The following TET1 variants were observed in gnomAD, a reference collection of about 807,000 sequenced individuals.
TET1 encodes the protein methylcytosine dioxygenase TET1.
TET1 carries 13 observed loss-of-function variants against 148.7 expected under a neutral mutation model. That is an observed-to-expected ratio of 0.09 (90% CI 0.06 to 0.14). TET1 has a LOEUF of 0.14. Ranked by LOEUF, TET1 falls within the 10% of genes least tolerant of loss-of-function variation. TET1 has a pLI of 1.00. For missense variants in TET1, 2,182 were observed against 2,553.8 expected (o/e 0.85, Z 3.14); for synonymous variants, 907 against 937.2 (o/e 0.97, Z 0.59).
chr10:68,618,894 G>T (rs983107580), intron 3 of TET1, among the ~76,000 whole-genome samples: 10 of 152,142 alleles, frequency 6.6e-5, no homozygotes, highest in Admixed American at 6.6e-4. Flanking sequence ...CTGAGCCCAG[G>T]ATTTCAAGGC....
intron 6 of TET1, among the ~76,000 whole-genome samples, chr10:68,662,774 G>A (rs958862751): frequency 1.3e-5 from 2 of 152,136 alleles, no homozygotes; most frequent in African/African-American, 4.8e-5. Flanking sequence ...ACGGTGGCAA[G>A]CACCTGTAGT....
chr10:68,642,642 T>G (rs1190318388), intron 3 of TET1, among the ~76,000 whole-genome samples: 1 of 152,214 alleles, frequency 6.6e-6, no homozygotes, highest in South Asian at 2.1e-4. Flanking sequence ...TTCACTCCTA[T>G]TGCCTAAGGT....
At chr10:68,654,953 C>G (rs886096520) in intron 6 of TET1, among the ~76,000 whole-genome samples, 2 of 152,162 alleles carry the variant, frequency 1.3e-5, no homozygotes, top group African/African-American at 4.8e-5. Flanking sequence ...CTCAGTTCCT[C>G]CTCATCTTAA....
chr10:68,601,179 T>C, intron 3 of TET1, 145 bp downstream of exon 3: 1 of 667,204 alleles, frequency 1.5e-6, no homozygotes, highest in Non-Finnish European at 2.5e-6. Context: ...ACTAAAGTGT[T>C]TTCTCTCTCT....
Position 68,626,089 on chromosome 10 carries a change from C to CA in TET1, c.1969-18601dup, listed in dbSNP as rs768111191. Among the ~76,000 whole-genome samples, 272 of 34,494 alleles carry CA rather than the reference C, an allele frequency of 7.9e-3. 5 individuals are homozygous for CA. The highest frequency in any genetic ancestry group is 0.024 in the African/African-American group (263 of 10,856). The allele number at this position is 34,494 out of a possible 152,430, so 22.6% of individuals were successfully genotyped here. On this transcript the variant is annotated intron_variant, in intron 3 of 11. Coordinates refer to ENST00000373644, the MANE Select transcript of TET1 (RefSeq NM_030625.3). ...ACAGAGTAAGAACGAGACCCTATCT[C>CA]AAAAAAAAGAAAAAAAAAAAGAAAA...
intron 2 of TET1, among the ~76,000 whole-genome samples, chr10:68,576,584 C>T (rs1281321457): frequency 1.3e-5 from 2 of 152,014 alleles, no homozygotes; most frequent in African/African-American, 4.8e-5. Context: ...ATCGCCTGAT[C>T]CTGGGAAGTC....
Position 68,612,986 on chromosome 10 carries a change from T to A in TET1, c.1968+11952T>A, listed in dbSNP as rs1281930194. On this transcript the variant is annotated intron_variant, in intron 3 of 11. Transcript: ENST00000373644. The stretch of plus-strand genomic sequence containing the variant: ...TCACCTTTTTGTTCTCCACAGTGTC[T>A]AACAGAATATCTTGTGTTTACAACT... 3.9e-5 allele frequency among the ~76,000 whole-genome samples: 6 copies of A among 152,194 alleles called. No homozygotes were observed. The East Asian group carries it at 1.2e-3, about 29-fold the overall frequency.
chr10:68,582,777 C>T (rs1349452707), intron 2 of TET1, among the ~76,000 whole-genome samples: 1 of 152,034 alleles, frequency 6.6e-6, no homozygotes, highest in Admixed American at 6.6e-5. Flanking sequence ...TTTTTGCTAC[C>T]AACTCTTTCA....
At chr10:68,571,953 C>CA (rs1375544628) in intron 1 of TET1, among the ~76,000 whole-genome samples, 1 of 151,976 alleles carries the variant, frequency 6.6e-6, no homozygotes, top group Admixed American at 6.6e-5. Flanking sequence ...CATGTCTCTA[C>CA]AAAAAATACA....
intron 1 of TET1, among the ~76,000 whole-genome samples, chr10:68,567,759 T>TA (rs200032501): frequency 0.12 from 17,053 of 145,444 alleles, 1,202 homozygotes; most frequent in South Asian, 0.25. Flanking sequence ...TCTTAAAAAT[T>TA]AAAAAAAAAA....
chr10:68,685,796 T>A (rs923470085), intron 10 of TET1, among the ~76,000 whole-genome samples: 2 of 152,074 alleles, frequency 1.3e-5, no homozygotes, highest in African/African-American at 4.8e-5. Flanking sequence ...ATATGGCTCC[T>A]CACTGGAATA....
intron 4 of TET1, among the ~76,000 whole-genome samples, chr10:68,649,343 C>T (rs1356442331): frequency 6.6e-6 from 1 of 152,100 alleles, no homozygotes; most frequent in African/African-American, 2.4e-5. Context: ...TGCAGTGGCT[C>T]ACGCCTGTAA....
rs1372192877 is a variant in TET1, at chr10:68,644,788, T to C, written c.2059T>C (p.Leu687=). ...TCATGGGGAAGAACAAAAATTGGAATTGAACCCACATACTGTTGAAAATGT... is the reference window on the plus strand; with the variant it reads ...TCATGGGGAAGAACAAAAATTGGAACTGAACCCACATACTGTTGAAAATGT... The part of the protein sequence containing the change: ...CGHGEEQKLE[L]NPHTVENVTK... The change falls in exon 4 of 12, where the codon TTG becomes CTG. Residue 687 remains leucine, a synonymous_variant. Transcript: ENST00000373644. 3 of 1,613,790 alleles carry C rather than the reference T, an allele frequency of 1.9e-6. No individual in the cohort carries two copies. Among genetic ancestry groups the C allele is most frequent in the South Asian group, 1.1e-5 (1 of 90,928 alleles).
chr10:68,631,527 C>A (rs1156524367), intron 3 of TET1, among the ~76,000 whole-genome samples: 2 of 148,402 alleles, frequency 1.3e-5, no homozygotes, highest in Non-Finnish European at 3.0e-5. Flanking sequence ...CCCACTTCAG[C>A]CTCCCAAAAG....
At chr10:68,609,464 C>G (rs1003868826) in intron 3 of TET1, among the ~76,000 whole-genome samples, 9 of 152,012 alleles carry the variant, frequency 5.9e-5, no homozygotes, top group Non-Finnish European at 1.3e-4. Flanking sequence ...CCCGGCCAAG[C>G]CTGACTATTT....
intron 1 of TET1, among the ~76,000 whole-genome samples, chr10:68,566,385 G>A (rs1322178756): frequency 6.6e-6 from 1 of 152,124 alleles, no homozygotes; most frequent in Non-Finnish European, 1.5e-5. Context: ...ATTGGAATTG[G>A]AATGTCTTGT....
intron 8 of TET1, among the ~76,000 whole-genome samples, chr10:68,675,702 G>C (rs528264975): frequency 6.0e-4 from 91 of 151,824 alleles, no homozygotes; most frequent in African/African-American, 2.2e-3. Context: ...TGGGATTACA[G>C]GCATGAGACA....
In TET1 at chr10:68,645,157, G is replaced by C; in HGVS notation, c.2428G>C (p.Asp810His). 1.2e-6 allele frequency: 2 copies of C among 1,614,138 alleles called. No homozygotes were observed. Among genetic ancestry groups the C allele is most frequent in the Non-Finnish European group, 1.7e-6 (2 of 1,179,954 alleles). The change falls in exon 4 of 12, where the codon GAT becomes CAT. Residue 810 changes from aspartate to histidine, a missense_variant. By Grantham distance (81) the Asp-to-His change is moderately conservative. Transcript: ENST00000373644. Reference protein sequence around the residue: ...HKNAMSSVATDMSCDHLKGRS... With the variant: ...HKNAMSSVATHMSCDHLKGRS... ...AAACGCTATGAGCTCTGTTGCTACT[G>C]ATATGAGTTGTGATCATCTCAAGGG...
At chr10:68,675,426 G>A (rs907857848) in intron 8 of TET1, among the ~76,000 whole-genome samples, 2 of 152,154 alleles carry the variant, frequency 1.3e-5, no homozygotes, top group African/African-American at 4.8e-5. Flanking sequence ...GTGGAAGAAT[G>A]ATAAAATCGT....
Sources: allele counts gnomAD v4.1 joint callset (sites outside exome capture counted in the v4.1 genomes callset), GRCh38; gene constraint gnomAD v4.1.1; transcripts MANE v1.5; gene names NCBI Gene and HGNC (gene_info 2026-07-23, HGNC 2026-07-21).